Variants in OSTF1 observed in about 807,000 individuals in gnomAD.
OSTF1 encodes osteoclast stimulating factor 1.
In OSTF1, 27 loss-of-function variants were observed where a neutral mutation model predicts 37.2. The observed-to-expected ratio is 0.73, with a 90% CI of 0.54 to 1.00. OSTF1 has a LOEUF of 1.00. OSTF1 is among the 50% of genes least tolerant of loss of function. The pLI, the probability that OSTF1 is intolerant of heterozygous loss-of-function variation, is 0.00. For synonymous variants in OSTF1, 82 were observed against 89.2 expected (o/e 0.92, Z 0.46); for missense variants, 232 against 253.8 (o/e 0.91, Z 0.58).
chr9:75,088,840 C>A, intron 1 of OSTF1, 114 bp downstream of exon 1: 1 of 1,020,246 alleles, frequency 9.8e-7, no homozygotes, highest in Non-Finnish European at 1.5e-6. Context: ...GCCTGGCTTC[C>A]GAGATCGGCC....
chr9:75,099,722 G>A (rs899410790), intron 1 of OSTF1, among the ~76,000 whole-genome samples: 6 of 152,138 alleles, frequency 3.9e-5, no homozygotes, highest in African/African-American at 1.2e-4. Flanking sequence ...CCAGCTACTC[G>A]GGTGGCCGAG....
intron 1 of OSTF1, among the ~76,000 whole-genome samples, chr9:75,090,737 C>T (rs1312592458): frequency 2.0e-5 from 3 of 151,612 alleles, no homozygotes; most frequent in Non-Finnish European, 1.5e-5. Context: ...CTTTATGAGG[C>T]TGAGGTGGGA....
At chr9:75,143,849 A>C (rs1825981704) in intron 9 of OSTF1, among the ~76,000 whole-genome samples, 1 of 152,228 alleles carries the variant, frequency 6.6e-6, no homozygotes, top group Non-Finnish European at 1.5e-5. Context: ...ACCATGTGGG[A>C]AAACTGCCTC....
At chr9:75,117,597 A>G (rs776205196) in intron 2 of OSTF1, 47 bp downstream of exon 2, 11 of 1,361,180 alleles carry the variant, frequency 8.1e-6, no homozygotes, top group African/African-American at 1.4e-5. Flanking sequence ...AAAACCTAAG[A>G]TGATTTTATT....
rs535976340 is a variant in OSTF1 at position 75,123,430 on chromosome 9, AAAAAAAC to A, written c.82-4121_82-4115del. 2.1e-3 allele frequency among the ~76,000 whole-genome samples: 321 copies of A among 152,264 alleles called. 3 individuals carry two copies. Among genetic ancestry groups the A allele is most frequent in the African/African-American group, 5.3e-3 (222 of 41,512 alleles). ...CAGTGAGACTCCGTCTCAAAAAAAC[AAAAAAAC>A]AAAAAACAAAAAACAAAGAAAAGCT... On this transcript the variant is annotated intron_variant, in intron 2 of 9. Coordinates refer to ENST00000346234, the MANE Select transcript of OSTF1 (RefSeq NM_012383.5).
At chr9:75,099,961 T>C (rs911959806) in intron 1 of OSTF1, among the ~76,000 whole-genome samples, 2 of 152,236 alleles carry the variant, frequency 1.3e-5, no homozygotes, top group African/African-American at 4.8e-5. Flanking sequence ...ACAAAAATCA[T>C]TCTATTCATA....
At chr9:75,097,543 G>A (rs1825108558) in intron 1 of OSTF1, among the ~76,000 whole-genome samples, 1 of 152,122 alleles carries the variant, frequency 6.6e-6, no homozygotes, top group Non-Finnish European at 1.5e-5. Context: ...CAAACATCAA[G>A]TCTTCAGTGT....
At chr9:75,122,409 A>C (rs559989418) in intron 2 of OSTF1, among the ~76,000 whole-genome samples, 1 of 152,334 alleles carries the variant, frequency 6.6e-6, no homozygotes, top group South Asian at 2.1e-4. Flanking sequence ...ATCCAAGCCT[A>C]GTGAGTTGTG....
chr9:75,092,637 C>A (rs1203100796), intron 1 of OSTF1, among the ~76,000 whole-genome samples: 1 of 152,062 alleles, frequency 6.6e-6, no homozygotes, highest in African/African-American at 2.4e-5. Flanking sequence ...ATATAGGAAT[C>A]ATCCCTGTCA....
At chr9:75,093,714 T>A (rs1825023066) in intron 1 of OSTF1, among the ~76,000 whole-genome samples, 2 of 152,250 alleles carry the variant, frequency 1.3e-5, no homozygotes, top group African/African-American at 4.8e-5. Context: ...GGTTTTTATC[T>A]AAAATGAACT....
chr9:75,136,949 G>A lies in OSTF1; in HGVS notation c.409-589G>A, dbSNP rs920643052. Among the ~76,000 whole-genome samples, 4 of 152,148 alleles carry A rather than the reference G, an allele frequency of 2.6e-5. No homozygotes were observed. The South Asian group carries it at 8.3e-4, about 32-fold the overall frequency. On this transcript the variant is annotated intron_variant, in intron 7 of 9. Transcript: ENST00000346234. ...GGGTACGTAAAGGTACCTGAGAGAG[G>A]GGTCTTACTGTTCAGTCTGTAGGTT...
chr9:75,146,126 CT>C (rs1359364430), intron 9 of OSTF1, among the ~76,000 whole-genome samples: 3 of 152,212 alleles, frequency 2.0e-5, no homozygotes, highest in Non-Finnish European at 2.9e-5. Context: ...AGATGTCTTC[CT>C]TTTGAGTCCT....
chr9:75,106,908 T>C (rs1019739023), intron 1 of OSTF1, among the ~76,000 whole-genome samples: 7 of 146,560 alleles, frequency 4.8e-5, no homozygotes, highest in African/African-American at 1.8e-4. Flanking sequence ...GAGCCCAGAT[T>C]ATGCCACTGC....
chr9:75,143,246 A>C (rs1825970979), intron 9 of OSTF1, among the ~76,000 whole-genome samples: 1 of 152,168 alleles, frequency 6.6e-6, no homozygotes. Context: ...GGATTTTTTA[A>C]TAAGTACAAA....
Position 75,133,390 on chromosome 9 carries a change from G to A in OSTF1, c.347G>A (p.Gly116Glu). 1 of 1,597,376 alleles carries A rather than the reference G, an allele frequency of 6.3e-7. No homozygotes were observed. Among genetic ancestry groups the A allele is most frequent in the Non-Finnish European group, 8.6e-7 (1 of 1,165,540 alleles). ...GSTALYWACH[G>E]GHKDIVEMLF... The stretch of plus-strand genomic sequence containing the variant: ...ACTGCCTTATACTGGGCTTGCCACG[G>A]GGGCCACAAAGGTATTACATTTTGT... The change falls in exon 6 of 10, where the codon GGG becomes GAG. Residue 116 changes from glycine (G) to glutamate (E), a missense_variant. Physicochemically the swap from Gly to Glu is moderately conservative, Grantham distance 98 (BLOSUM62 -2). Transcript: ENST00000346234.
At chr9:75,120,791 G>A (rs1009735032) in intron 2 of OSTF1, among the ~76,000 whole-genome samples, 9 of 152,118 alleles carry the variant, frequency 5.9e-5, no homozygotes, top group Non-Finnish European at 1.3e-4. Context: ...TTCCAGCCCC[G>A]CTGTGCTCTG....
At chr9:75,139,894 C>A (rs1825912847) in intron 8 of OSTF1, among the ~76,000 whole-genome samples, 1 of 152,124 alleles carries the variant, frequency 6.6e-6, no homozygotes, top group Admixed American at 6.6e-5. Context: ...TTTTAGTAAA[C>A]CATTCTTCAG....
chr9:75,106,148 A>G (rs1014651164), intron 1 of OSTF1, among the ~76,000 whole-genome samples: 1 of 152,172 alleles, frequency 6.6e-6, no homozygotes, highest in Non-Finnish European at 1.5e-5. Context: ...AGGGATGGAA[A>G]TGTCATGTTC....
At chr9:75,095,108 T>G (rs992567988) in intron 1 of OSTF1, among the ~76,000 whole-genome samples, 2 of 152,176 alleles carry the variant, frequency 1.3e-5, no homozygotes, top group South Asian at 4.1e-4. Context: ...TACATAGTAT[T>G]CTGCTGAGCT....
Sources: allele counts gnomAD v4.1 joint callset (sites outside exome capture counted in the v4.1 genomes callset), GRCh38; gene constraint gnomAD v4.1.1; transcripts MANE v1.5; gene names NCBI Gene and HGNC (gene_info 2026-07-23, HGNC 2026-07-21).